Variants in SCD5 observed in about 807,000 individuals in gnomAD.
SCD5 encodes stearoyl-CoA desaturase 5, also known as acyl-CoA-desaturase 4.
Under a neutral mutation model 30.4 loss-of-function variants are expected in SCD5, and 20 were observed. The ratio of observed to expected loss-of-function variants is 0.66; its 90% CI spans 0.46 to 0.96. The LOEUF is 0.96. Among genes scored for constraint, SCD5 ranks in the 40% least tolerant of loss-of-function variants. SCD5 has a pLI of 0.00. For missense variants in SCD5, 381 were observed against 443.3 expected, an observed-to-expected ratio of 0.86 and a Z score of 1.26; for synonymous variants, 173 against 176.4, an observed-to-expected ratio of 0.98 and a Z score of 0.16.
chr4:82,767,726 A>G (rs1485293555), intron 1 of SCD5, among the ~76,000 whole-genome samples: 1 of 152,132 alleles, frequency 6.6e-6, no homozygotes, highest in Non-Finnish European at 1.5e-5. Flanking sequence ...CTTTTATTTA[A>G]AAGTCTTTGA....
At chr4:82,696,877 C>T (rs1211873253) in intron 2 of SCD5, among the ~76,000 whole-genome samples, 2 of 152,164 alleles carry the variant, frequency 1.3e-5, no homozygotes, top group East Asian at 1.9e-4. Context: ...ATACAGTCTT[C>T]TTCAATGTCC....
At chr4:82,685,675 G>A (rs1728687690) in intron 2 of SCD5, among the ~76,000 whole-genome samples, 1 of 150,442 alleles carries the variant, frequency 6.6e-6, no homozygotes, top group African/African-American at 2.5e-5. Context: ...TCACACCACT[G>A]CACTCCAGCC....
chr4:82,782,419 AT>A (rs2148851682), intron 1 of SCD5, among the ~76,000 whole-genome samples: 1 of 152,264 alleles, frequency 6.6e-6, no homozygotes, highest in South Asian at 2.1e-4. Flanking sequence ...AACTACTCCC[AT>A]AGCAGGGCTG....
rs113930171 is a variant in SCD5, at chr4:82,794,309, G to C, written c.232+3997C>G. Among the ~76,000 whole-genome samples the C allele has an allele frequency of 2.5e-3, 388 of 152,328 alleles. 3 individuals are homozygous for C. Among genetic ancestry groups the C allele is most frequent in the African/African-American group, 8.9e-3 (368 of 41,578 alleles). ...ATTACTGCTTTGCATGCCTGGTGCT[G>C]TCACTGAAGTTATCTCATGAGGAAA... is the stretch of plus-strand genomic sequence containing the variant. On this transcript the variant is annotated intron_variant, in intron 1 of 4. Transcript: ENST00000319540.
At chr4:82,738,998 G>C (rs4535331) in intron 1 of SCD5, among the ~76,000 whole-genome samples, 22,087 of 152,144 alleles carry the variant, frequency 0.15, 2,844 homozygotes, top group African/African-American at 0.35. Context: ...CAAATGTTTT[G>C]ATGATTTGTA....
intron 3 of SCD5, among the ~76,000 whole-genome samples, chr4:82,652,225 C>A (rs1479483028): frequency 6.6e-6 from 1 of 152,172 alleles, no homozygotes; most frequent in Non-Finnish European, 1.5e-5. Flanking sequence ...GATAGGGTAA[C>A]TGTGGCCATG....
chr4:82,730,585 CTT>C (rs397935360), intron 1 of SCD5, among the ~76,000 whole-genome samples: 17 of 114,650 alleles, frequency 1.5e-4, no homozygotes, highest in Admixed American at 2.1e-4. Context: ...TTTTTCCCTT[CTT>C]TTTTTTTTTT....
At chr4:82,741,414 A>G (rs1720870329) in intron 1 of SCD5, among the ~76,000 whole-genome samples, 1 of 152,128 alleles carries the variant, frequency 6.6e-6, no homozygotes, top group Non-Finnish European at 1.5e-5. Flanking sequence ...GTCACCTACC[A>G]GGGAATGAGA....
intron 1 of SCD5, among the ~76,000 whole-genome samples, chr4:82,712,312 A>AT (rs1163327880): frequency 0.2 from 4,576 of 22,830 alleles, 1,590 homozygotes; most frequent in African/African-American, 0.44. Context: ...TTTTTATTTT[A>AT]TTTTTTTTTT....
intron 1 of SCD5, among the ~76,000 whole-genome samples, chr4:82,726,417 CAAA>C (rs398051208): frequency 2.8e-5 from 3 of 108,824 alleles, no homozygotes; most frequent in Admixed American, 9.3e-5. Flanking sequence ...AACTCTGTCT[CAAA>C]AAAAAAAAAA....
intron 1 of SCD5, among the ~76,000 whole-genome samples, chr4:82,759,927 T>C (rs1255635017): frequency 6.6e-6 from 1 of 152,128 alleles, no homozygotes; most frequent in African/African-American, 2.4e-5. Flanking sequence ...CCTCATGTGC[T>C]CCCTCTGCCT....
intron 1 of SCD5, among the ~76,000 whole-genome samples, chr4:82,797,483 G>A (rs1442965572): frequency 6.6e-6 from 1 of 151,946 alleles, no homozygotes; most frequent in African/African-American, 2.4e-5. Flanking sequence ...AAGGGGAATG[G>A]TGGTCGGCGC....
Position 82,759,104 on chromosome 4 carries a change from T to A in SCD5, c.232+39202A>T, listed in dbSNP as rs188229992. On this transcript the variant is annotated intron_variant, in intron 1 of 4. Transcript: ENST00000319540. The stretch of plus-strand genomic sequence containing the variant: ...TCCTTTCCTCTACAGCCCCAGCACT[T>A]CCCTCAACCTGTCTTTTGCGACTGA... 2.8e-4 allele frequency among the ~76,000 whole-genome samples: 43 copies of A among 152,278 alleles called. 1 individual carries two copies. The highest frequency in any genetic ancestry group is 9.9e-4 in the African/African-American group (41 of 41,570).
rs567560548 is a variant in SCD5, at chr4:82,709,578, G to T, written c.233-4165C>A. 7.9e-5 allele frequency among the ~76,000 whole-genome samples: 12 copies of T among 152,286 alleles called. No homozygotes were observed. In the South Asian group the frequency reaches 2.5e-3, roughly 32 times the overall value. Reference sequence around the variant, plus strand: ...AAAAGATAAGAAGTCAACTGAGCAAGGTCCAGAGGAGGCAAGATCAGGCAG... The same window carrying T: ...AAAAGATAAGAAGTCAACTGAGCAATGTCCAGAGGAGGCAAGATCAGGCAG... On this transcript the variant is annotated intron_variant, in intron 1 of 4. Coordinates refer to ENST00000319540, the MANE Select transcript of SCD5 (RefSeq NM_001037582.3).
chr4:82,760,286 G>A (rs559599189), intron 1 of SCD5, among the ~76,000 whole-genome samples: 23 of 152,152 alleles, frequency 1.5e-4, no homozygotes, highest in Admixed American at 3.9e-4. Context: ...CACCATCCAT[G>A]CCCTGAACCC....
intron 2 of SCD5, among the ~76,000 whole-genome samples, chr4:82,702,026 A>G (rs1357694252): frequency 6.6e-6 from 1 of 151,572 alleles, no homozygotes; most frequent in African/African-American, 2.4e-5. Context: ...AGGAGGATAG[A>G]CCATAGAGGA....
At chr4:82,752,242 T>C (rs1721118685) in intron 1 of SCD5, among the ~76,000 whole-genome samples, 3 of 150,046 alleles carry the variant, frequency 2.0e-5, no homozygotes. Context: ...ACAAGCAATA[T>C]CTCTCAAGGT....
At chr4:82,792,860 C>T (rs890527897) in intron 1 of SCD5, among the ~76,000 whole-genome samples, 2 of 152,218 alleles carry the variant, frequency 1.3e-5, no homozygotes, top group South Asian at 2.1e-4. Flanking sequence ...TGTCAGGATT[C>T]GCACTGGTTT....
intron 1 of SCD5, among the ~76,000 whole-genome samples, chr4:82,777,792 C>A (rs568964328): frequency 5.3e-5 from 8 of 152,070 alleles, no homozygotes; most frequent in Non-Finnish European, 1.2e-4. Context: ...GATGTTTTCT[C>A]GGCCAGTGTT....
Sources: allele counts gnomAD v4.1 joint callset (sites outside exome capture counted in the v4.1 genomes callset), GRCh38; gene constraint gnomAD v4.1.1; transcripts MANE v1.5; gene names NCBI Gene and HGNC (gene_info 2026-07-23, HGNC 2026-07-21).